PDE11A: variants seen among roughly 807,000 people sequenced by gnomAD.
PDE11A encodes the protein phosphodiesterase 11A.
Under a neutral mutation model 100.5 loss-of-function variants are expected in PDE11A, and 100 were observed. The ratio of observed to expected loss-of-function variants is 1.00; its 90% CI spans 0.85 to 1.18. The LOEUF is 1.18. Ranked by LOEUF, PDE11A falls within the 50% of genes most tolerant of loss-of-function variation. The pLI, the probability that PDE11A is intolerant of heterozygous loss-of-function variation, is 0.00. For missense variants in PDE11A, 1,141 were observed against 1,152.6 expected (o/e 0.99, Z 0.15); for synonymous variants, 381 against 420.8 (o/e 0.91, Z 1.16).
chr2:177,649,196 G>A (rs1322753763), intron 19 of PDE11A, among the ~76,000 whole-genome samples: 1 of 152,110 alleles, frequency 6.6e-6, no homozygotes, highest in African/African-American at 2.4e-5. Context: ...AAACTCCACA[G>A]AGAGAAATTT....
intron 15 of PDE11A, among the ~76,000 whole-genome samples, chr2:177,689,930 C>T (rs953215077): frequency 5.3e-5 from 8 of 152,320 alleles, no homozygotes; most frequent in East Asian, 1.9e-4. Flanking sequence ...CCTGCATTCA[C>T]TTCCACACAG....
intron 2 of PDE11A, among the ~76,000 whole-genome samples, chr2:177,954,794 G>A (rs11894110): frequency 0.061 from 9,358 of 152,180 alleles, 341 homozygotes; most frequent in South Asian, 0.14. Flanking sequence ...TCCACCCCCA[G>A]GGGATCTGAG....
chr2:178,071,691 G>A lies in PDE11A; in HGVS notation c.747C>T (p.Gly249=). 1.4e-5 allele frequency: 23 copies of A among 1,613,544 alleles called. No individual in the cohort carries two copies. The highest frequency in any genetic ancestry group is 1.9e-5 in the Non-Finnish European group (22 of 1,179,478). Residue 249 remains glycine, a synonymous_variant, in exon 1 of 20, where the codon GGC becomes GGT. Transcript: ENST00000286063. The part of the protein sequence containing the change: ...SLFLVEGAAA[G]KKTLVSKFFD... ...AGAATTTGGAGACCAAGGTCTTCTT[G>A]CCAGCAGCTGCCCCTTCCACCAGGA... is the stretch of plus-strand genomic sequence containing the variant.
chr2:177,744,438 G>A (rs1203260271), intron 10 of PDE11A, among the ~76,000 whole-genome samples: 1 of 152,010 alleles, frequency 6.6e-6, no homozygotes, highest in African/African-American at 2.4e-5. Flanking sequence ...CTCTGTGGAG[G>A]GCAGGAAGAG....
chr2:177,717,510 T>C (rs1326795782), intron 12 of PDE11A, among the ~76,000 whole-genome samples: 1 of 152,224 alleles, frequency 6.6e-6, no homozygotes, highest in African/African-American at 2.4e-5. Flanking sequence ...TTTCTGCTCC[T>C]GACCCAATCA....
intron 9 of PDE11A, among the ~76,000 whole-genome samples, chr2:177,807,979 A>G (rs1474129320): frequency 1.3e-5 from 2 of 152,254 alleles, no homozygotes; most frequent in Non-Finnish European, 2.9e-5. Flanking sequence ...TAGGTGAGAA[A>G]ACATTAATGA....
chr2:178,098,619 A>C (rs1417536861), intron 2 of PDE11A, among the ~76,000 whole-genome samples: 1 of 152,226 alleles, frequency 6.6e-6, no homozygotes. Flanking sequence ...GACTATCAAA[A>C]TTGTCAAAAA....
chr2:177,845,167 G>A (rs946448403), intron 5 of PDE11A, among the ~76,000 whole-genome samples: 2 of 150,452 alleles, frequency 1.3e-5, no homozygotes, highest in African/African-American at 4.9e-5. Flanking sequence ...CGGGCGGGGG[G>A]CTGACCCCCC....
chr2:178,038,635 G>A, intron 1 of PDE11A, among the ~76,000 whole-genome samples: 1 of 152,090 alleles, frequency 6.6e-6, no homozygotes, highest in Non-Finnish European at 1.5e-5. Context: ...AGAGGGTTGA[G>A]GGGGAGTCAT....
intron 4 of PDE11A, among the ~76,000 whole-genome samples, chr2:177,879,409 T>C (rs1195162508): frequency 6.6e-6 from 1 of 152,268 alleles, no homozygotes; most frequent in Non-Finnish European, 1.5e-5. Flanking sequence ...GTTAAGTTTT[T>C]AACTTTTTGA....
intron 6 of PDE11A, among the ~76,000 whole-genome samples, chr2:177,827,869 C>T (rs996586866): frequency 7.9e-5 from 12 of 152,210 alleles, no homozygotes; most frequent in Admixed American, 2.0e-4. Flanking sequence ...TATGTACATG[C>T]TATTGGGGCA....
At chr2:178,014,193 A>T (rs1162494211) in intron 2 of PDE11A, 109 bp downstream of exon 2, 1 of 832,404 alleles carries the variant, frequency 1.2e-6, no homozygotes, top group African/African-American at 1.7e-5. Context: ...TCTTTGATCC[A>T]TGAATGGGCT....
intron 9 of PDE11A, among the ~76,000 whole-genome samples, chr2:177,784,281 G>A (rs1266692906): frequency 1.6e-5 from 2 of 128,416 alleles, no homozygotes; most frequent in Non-Finnish European, 3.4e-5. Flanking sequence ...AACAACCTCT[G>A]GTCATTCTCA....
Position 177,918,469 on chromosome 2 carries a change from TTAAAA to T in PDE11A, c.1072-13287_1072-13283del, listed in dbSNP as rs2084987140. Reference sequence around the variant, plus strand: ...AAAGACAGCAGAAGGAAAGAATTAATTAAAATAAAAGCAGAAAATAGTAAATGAGA... The same window carrying T: ...AAAGACAGCAGAAGGAAAGAATTAATTAAAAGCAGAAAATAGTAAATGAGA... On this transcript the variant is annotated intron_variant, in intron 2 of 19. Coordinates refer to ENST00000286063, the MANE Select transcript of PDE11A (RefSeq NM_016953.4). Among the ~76,000 whole-genome samples the T allele has an allele frequency of 2.0e-5, 3 of 152,176 alleles. No individual in the cohort carries two copies. The South Asian group carries it at 6.2e-4, about 32-fold the overall frequency.
At chr2:178,073,894 A>C (rs1307494880), upstream of PDE11A, among the ~76,000 whole-genome samples, 4 of 151,860 alleles carry the variant, frequency 2.6e-5, no homozygotes, top group Non-Finnish European at 5.9e-5. Context: ...AAATCAGCAA[A>C]TGTTATGTGT....
intron 10 of PDE11A, among the ~76,000 whole-genome samples, chr2:177,742,923 C>G (rs1435785335): frequency 6.6e-6 from 1 of 152,172 alleles, no homozygotes; most frequent in African/African-American, 2.4e-5. Context: ...GCAGAGCCAG[C>G]AAGAGGAAAG....
intron 13 of PDE11A, among the ~76,000 whole-genome samples, chr2:177,706,673 G>T (rs1451647227): frequency 6.6e-6 from 1 of 152,200 alleles, no homozygotes; most frequent in Non-Finnish European, 1.5e-5. Flanking sequence ...TAAGGTAGGT[G>T]CAGTGCCCCT....
intron 2 of PDE11A, among the ~76,000 whole-genome samples, chr2:177,992,480 ATTT>A (rs2086016640): frequency 7.0e-6 from 1 of 143,610 alleles, no homozygotes; most frequent in Admixed American, 7.1e-5. Flanking sequence ...CATTCATGCT[ATTT>A]GCCTCTTCAG....
At chr2:177,671,915 C>T (rs900753484) in intron 17 of PDE11A, among the ~76,000 whole-genome samples, 4 of 152,084 alleles carry the variant, frequency 2.6e-5, no homozygotes, top group South Asian at 2.1e-4. Context: ...CCTTGACATG[C>T]GTTTCACTGT....
Sources: allele counts gnomAD v4.1 joint callset (sites outside exome capture counted in the v4.1 genomes callset), GRCh38; gene constraint gnomAD v4.1.1; transcripts MANE v1.5; gene names NCBI Gene and HGNC (gene_info 2026-07-23, HGNC 2026-07-21).